The following MCCC2 variants were observed in gnomAD, a reference collection of about 807,000 sequenced individuals.
MCCC2 encodes methylcrotonoyl-CoA carboxylase beta chain, mitochondrial.
In MCCC2, 52 loss-of-function variants were observed where a neutral mutation model predicts 77.2. The observed-to-expected ratio is 0.67, with a 90% CI of 0.54 to 0.85. MCCC2 has a LOEUF of 0.85. Ranked by LOEUF, MCCC2 falls within the 40% of genes least tolerant of loss-of-function variation. The probability of loss-of-function intolerance (pLI) is 0.00; values close to 1 mark genes in which losing one functional copy is unlikely to be tolerated. For missense variants in MCCC2, 682 were observed against 703.2 expected (o/e 0.97, Z 0.34); for synonymous variants, 253 against 248.4 (o/e 1.02, Z -0.18).
At chr5:71,638,615 G>A (rs1270595804) in intron 10 of MCCC2, among the ~76,000 whole-genome samples, 1 of 152,170 alleles carries the variant, frequency 6.6e-6, no homozygotes, top group East Asian at 1.9e-4. Flanking sequence ...CTATCTTCCA[G>A]GTTCAAGCAA....
chr5:71,634,849 G>C, intron 8 of MCCC2, 94 bp from the exon 9 acceptor site: 1 of 1,122,828 alleles, frequency 8.9e-7, no homozygotes, highest in Non-Finnish European at 1.3e-6. Context: ...TAAAAGTGCT[G>C]TCATCTTTAG....
intron 3 of MCCC2, 116 bp from the exon 4 acceptor site, chr5:71,599,541 CAT>C (rs1423644743): frequency 7.7e-6 from 6 of 775,400 alleles, no homozygotes; most frequent in Middle Eastern, 3.3e-4. Context: ...TTATATACAA[CAT>C]GTGTATTTGA....
At chr5:71,595,645 C>A (rs1387782208) in intron 2 of MCCC2, among the ~76,000 whole-genome samples, 3 of 152,036 alleles carry the variant, frequency 2.0e-5, no homozygotes, top group Non-Finnish European at 4.4e-5. Flanking sequence ...CCTTGGTTTG[C>A]CGAGAGTGGG....
chr5:71,595,410 C>T (rs1269262718), intron 2 of MCCC2, among the ~76,000 whole-genome samples: 1 of 112,274 alleles, frequency 8.9e-6, no homozygotes, highest in Non-Finnish European at 1.7e-5. Context: ...GCCTGGGTGA[C>T]AGAGTAAGAT....
chr5:71,595,428 CAAAAAAAA>C (rs56048450), intron 2 of MCCC2, among the ~76,000 whole-genome samples: 3 of 115,242 alleles, frequency 2.6e-5, no homozygotes. Flanking sequence ...GATCTTGTCT[CAAAAAAAA>C]AAAAAAAAAA....
At chr5:71,619,082 G>A (rs1746279007) in intron 6 of MCCC2, among the ~76,000 whole-genome samples, 1 of 151,954 alleles carries the variant, frequency 6.6e-6, no homozygotes, top group African/African-American at 2.4e-5. Flanking sequence ...TCTTTTTGGA[G>A]ACATATTTAA....
At chr5:71,605,887 G>A (rs569464816) in intron 6 of MCCC2, among the ~76,000 whole-genome samples, 2 of 151,862 alleles carry the variant, frequency 1.3e-5, no homozygotes, top group African/African-American at 4.8e-5. Flanking sequence ...TAAGATGTAG[G>A]TATGCGGCGT....
chr5:71,630,159 A>G lies in MCCC2; in HGVS notation c.739-1962A>G, dbSNP rs1182061865. Among the ~76,000 whole-genome samples, 3 of 152,226 alleles carry G rather than the reference A, an allele frequency of 2.0e-5. No homozygotes were observed. In the East Asian group the frequency reaches 5.8e-4, roughly 29 times the overall value. On this transcript the variant is annotated intron_variant, in intron 7 of 16. Transcript: ENST00000340941. ...TTCACAGGGAGAAAAAGGCAGTAGC[A>G]GCAGCCTCATCCTTTAGAGAATTCT...
At chr5:71,608,264 A>G (rs1363845869) in intron 6 of MCCC2, among the ~76,000 whole-genome samples, 1 of 119,142 alleles carries the variant, frequency 8.4e-6, no homozygotes, top group Admixed American at 9.8e-5. Flanking sequence ...GTGCTCCTGT[A>G]TTGGGTGCAT....
At chr5:71,603,307 T>A (rs1320350715) in intron 5 of MCCC2, among the ~76,000 whole-genome samples, 1 of 150,800 alleles carries the variant, frequency 6.6e-6, no homozygotes, top group Non-Finnish European at 1.5e-5. Context: ...TCCCAGCTAC[T>A]TGGGAGGCTG....
chr5:71,598,393 T>C (rs1745278296), intron 3 of MCCC2, among the ~76,000 whole-genome samples: 2 of 151,916 alleles, frequency 1.3e-5, no homozygotes, highest in East Asian at 3.9e-4. Context: ...CTAAAGCCTT[T>C]AGAAGAGAGC....
chr5:71,605,400 A>G (rs1745630950), intron 6 of MCCC2, among the ~76,000 whole-genome samples: 3 of 151,958 alleles, frequency 2.0e-5, no homozygotes, highest in African/African-American at 7.3e-5. Context: ...GTGTCTGTTC[A>G]TGTCCTTCAC....
At chr5:71,621,380 C>G (rs1746343825) in intron 6 of MCCC2, among the ~76,000 whole-genome samples, 1 of 152,194 alleles carries the variant, frequency 6.6e-6, no homozygotes, top group Non-Finnish European at 1.5e-5. Context: ...TGGCAGAACT[C>G]TTGTTCCATT....
chr5:71,643,724 C>G, intron 11 of MCCC2, 95 bp from the exon 12 acceptor site: 1 of 1,610,112 alleles, frequency 6.2e-7, no homozygotes, highest in Non-Finnish European at 8.5e-7. Flanking sequence ...AAACTTGGAT[C>G]TGATATTAAA....
At chr5:71,593,298 C>T (rs538728383) in intron 2 of MCCC2, among the ~76,000 whole-genome samples, 308 of 152,172 alleles carry the variant, frequency 2.0e-3, no homozygotes, top group African/African-American at 6.3e-3. Flanking sequence ...CCATGTTGGC[C>T]AGGCTGGTCT....
At chr5:71,596,540 C>T (rs1411189917) in intron 3 of MCCC2, among the ~76,000 whole-genome samples, 176 bp downstream of exon 3, 1 of 152,116 alleles carries the variant, frequency 6.6e-6, no homozygotes, top group Non-Finnish European at 1.5e-5. Flanking sequence ...TATTGAGAGC[C>T]TACTATTGGT....
intron 1 of MCCC2, among the ~76,000 whole-genome samples, chr5:71,589,604 A>AAGTCC (rs1744896101): frequency 6.6e-6 from 1 of 152,244 alleles, no homozygotes; most frequent in Non-Finnish European, 1.5e-5. Context: ...TAGACAAAGC[A>AAGTCC]AGTCCATGAG....
chr5:71,620,858 C>A (rs1263144314), intron 6 of MCCC2, among the ~76,000 whole-genome samples: 3 of 152,156 alleles, frequency 2.0e-5, no homozygotes, highest in Non-Finnish European at 2.9e-5. Flanking sequence ...ATCACCTCAC[C>A]TTGCAAGAGT....
intron 7 of MCCC2, among the ~76,000 whole-genome samples, chr5:71,629,269 G>T (rs1429119721): frequency 6.6e-6 from 1 of 152,046 alleles, no homozygotes. Context: ...ATGAAATATT[G>T]AGAATAGGCA....
Sources: allele counts gnomAD v4.1 joint callset (sites outside exome capture counted in the v4.1 genomes callset), GRCh38; gene constraint gnomAD v4.1.1; transcripts MANE v1.5; gene names NCBI Gene and HGNC (gene_info 2026-07-23, HGNC 2026-07-21).